DLGAP2: variants seen among roughly 807,000 people sequenced by gnomAD.
DLGAP2 encodes the protein DLG associated protein 2, also known as disks large-associated protein 2.
A neutral mutation model predicts 100.3 loss-of-function variants in DLGAP2; 26 were observed. The observed-to-expected ratio is 0.26, with a 90% confidence interval of 0.19 to 0.36. The LOEUF (loss-of-function observed/expected upper bound fraction) is 0.36, where lower values mean the gene tolerates loss of function less well. Ranked by LOEUF, DLGAP2 falls within the 10% of genes least tolerant of loss-of-function variation. The pLI is 1.00. For synonymous variants in DLGAP2, 886 were observed against 630.1 expected, an observed-to-expected ratio of 1.41 and a Z score of -6.08; for missense variants, 1,858 against 1,453.2, an observed-to-expected ratio of 1.28 and a Z score of -4.53.
chr8:1,454,232 T>G (rs2130123866), intron 3 of DLGAP2, among the ~76,000 whole-genome samples: 1 of 152,284 alleles, frequency 6.6e-6, no homozygotes. Context: ...GATGTCCCCG[T>G]AAGGTTTCAT....
At chr8:1,420,506 A>T (rs1040194185) in intron 3 of DLGAP2, among the ~76,000 whole-genome samples, 4 of 152,168 alleles carry the variant, frequency 2.6e-5, no homozygotes, top group African/African-American at 9.7e-5. Flanking sequence ...CCTAAACTAC[A>T]ACTCTATGCA....
intron 3 of DLGAP2, among the ~76,000 whole-genome samples, chr8:1,343,822 G>A (rs1213131071): frequency 1.3e-5 from 2 of 152,076 alleles, no homozygotes; most frequent in Non-Finnish European, 1.5e-5. Flanking sequence ...CTCCCTGCAC[G>A]TCCACCCGTG....
At position 908,119 on chromosome 8, in the gene DLGAP2, G is replaced by C. The variant is rs1196723438; in HGVS notation, c.73+153G>C. ...TGCGTATTAACTAACTGTAAGACCT[G>C]AAAGTAGGATATTTAGTTCTGTGGT... On this transcript the variant is annotated intron_variant, in intron 2 of 14. Coordinates refer to ENST00000637795, the MANE Select transcript of DLGAP2 (RefSeq NM_001346810.2). 2.0e-5 allele frequency among the ~76,000 whole-genome samples: 3 copies of C among 152,208 alleles called. No individual in the cohort carries two copies. The South Asian group carries it at 6.2e-4, about 31-fold the overall frequency.
At chr8:1,474,949 T>G (rs766764745) in intron 3 of DLGAP2, among the ~76,000 whole-genome samples, 3 of 152,136 alleles carry the variant, frequency 2.0e-5, no homozygotes, top group Non-Finnish European at 2.9e-5. Flanking sequence ...ATCACAGCAC[T>G]ATTCGCAACA....
intron 3 of DLGAP2, among the ~76,000 whole-genome samples, chr8:1,494,293 C>A (rs189714926): frequency 2.6e-5 from 4 of 152,366 alleles, no homozygotes; most frequent in African/African-American, 9.6e-5. Context: ...TTTGCTTCCG[C>A]ATTAGCATGA....
At chr8:1,665,077 A>C (rs1240210764) in intron 8 of DLGAP2, among the ~76,000 whole-genome samples, 1 of 152,184 alleles carries the variant, frequency 6.6e-6, no homozygotes, top group Non-Finnish European at 1.5e-5. Flanking sequence ...GCCTGTAGCA[A>C]ACACATTATA....
At chr8:1,558,266 C>T (rs1021493984) in intron 5 of DLGAP2, among the ~76,000 whole-genome samples, 28 of 152,178 alleles carry the variant, frequency 1.8e-4, no homozygotes, top group African/African-American at 5.8e-4. Flanking sequence ...TGTGCCCAGT[C>T]GCAGGCGGCT....
intron 8 of DLGAP2, among the ~76,000 whole-genome samples, chr8:1,639,837 C>T (rs957655741): frequency 6.6e-6 from 1 of 152,216 alleles, no homozygotes; most frequent in Non-Finnish European, 1.5e-5. Context: ...TTGTCCAAGC[C>T]TCCTCGTCTG....
intron 3 of DLGAP2, among the ~76,000 whole-genome samples, chr8:1,413,294 A>G (rs1175028229): frequency 6.6e-6 from 1 of 152,252 alleles, no homozygotes; most frequent in Admixed American, 6.5e-5. Flanking sequence ...AAGGATGGGA[A>G]GCAGAATGAA....
intron 2 of DLGAP2, among the ~76,000 whole-genome samples, chr8:1,067,799 A>G: frequency 6.6e-6 from 1 of 151,766 alleles, no homozygotes; most frequent in Admixed American, 6.6e-5. Flanking sequence ...GACCAACACG[A>G]CACGTCATCC....
chr8:1,347,440 A>ATG (rs1801590663), intron 3 of DLGAP2, among the ~76,000 whole-genome samples: 1 of 121,040 alleles, frequency 8.3e-6, no homozygotes, highest in African/African-American at 3.2e-5. Context: ...CATGGCAACT[A>ATG]TGTGGAAGTT....
At chr8:905,006 T>C (rs1203725639) in intron 1 of DLGAP2, among the ~76,000 whole-genome samples, 1 of 152,136 alleles carries the variant, frequency 6.6e-6, no homozygotes, top group Non-Finnish European at 1.5e-5. Context: ...CCGTGGCTGG[T>C]CTGGATTTAA....
chr8:1,291,167 C>G (rs1049046004), intron 3 of DLGAP2, among the ~76,000 whole-genome samples: 1 of 152,144 alleles, frequency 6.6e-6, no homozygotes, highest in Non-Finnish European at 1.5e-5. Flanking sequence ...GACCTCACGT[C>G]TCAATATTAA....
At chr8:921,781 C>T (rs1013793241) in intron 2 of DLGAP2, among the ~76,000 whole-genome samples, 2 of 152,270 alleles carry the variant, frequency 1.3e-5, no homozygotes, top group African/African-American at 2.4e-5. Context: ...CCACTGGCCA[C>T]GTCCTGGCTC....
At chr8:1,647,159 C>T (rs992198432) in intron 8 of DLGAP2, among the ~76,000 whole-genome samples, 1 of 152,170 alleles carries the variant, frequency 6.6e-6, no homozygotes, top group Non-Finnish European at 1.5e-5. Context: ...TGCAGACAGT[C>T]CCCCAGCTGG....
chr8:1,259,679 G>C (rs1304302273), intron 3 of DLGAP2: 1 of 152,214 alleles, frequency 6.6e-6, no homozygotes, highest in Non-Finnish European at 1.5e-5. Context: ...GGAGAGATGG[G>C]GAGAGATGAT....
chr8:1,071,134 A>G (rs1398209140), intron 2 of DLGAP2, among the ~76,000 whole-genome samples: 1 of 152,122 alleles, frequency 6.6e-6, no homozygotes, highest in Non-Finnish European at 1.5e-5. Flanking sequence ...TTTGCAGCTG[A>G]CTGCAGCCCA....
At chr8:1,513,280 C>T (rs1195900476) in intron 4 of DLGAP2, among the ~76,000 whole-genome samples, 2 of 143,564 alleles carry the variant, frequency 1.4e-5, no homozygotes, top group East Asian at 2.0e-4. Flanking sequence ...CAGGGAGGCT[C>T]GGTGGGATAA....
At chr8:1,494,907 T>G (rs557241272) in intron 3 of DLGAP2, among the ~76,000 whole-genome samples, 2 of 152,252 alleles carry the variant, frequency 1.3e-5, no homozygotes, top group African/African-American at 4.8e-5. Flanking sequence ...GGCGTCAATT[T>G]CTGCATCCAC....
Sources: allele counts gnomAD v4.1 joint callset (sites outside exome capture counted in the v4.1 genomes callset), GRCh38; gene constraint gnomAD v4.1.1; transcripts MANE v1.5; gene names NCBI Gene and HGNC (gene_info 2026-07-23, HGNC 2026-07-21).